The following SH3TC2 variants were observed in gnomAD, a reference collection of about 807,000 sequenced individuals.
The protein encoded by SH3TC2 is SH3 domain and tetratricopeptide repeats 2, also known as SH3 domain and tetratricopeptide repeat-containing protein 2.
SH3TC2 carries 87 observed loss-of-function variants against 124.5 expected under a neutral mutation model. The observed-to-expected ratio is 0.70, with a 90% CI of 0.59 to 0.84. The LOEUF (loss-of-function observed/expected upper bound fraction) is 0.84, where lower values mean the gene tolerates loss of function less well. SH3TC2 is among the 40% of genes least tolerant of loss of function. The pLI, the probability that SH3TC2 is intolerant of heterozygous loss-of-function variation, is 0.00. For synonymous variants in SH3TC2, 634 were observed against 628.5 expected, an observed-to-expected ratio of 1.01 and a Z score of -0.13; for missense variants, 1,536 against 1,566.4, an observed-to-expected ratio of 0.98 and a Z score of 0.33.
intron 16 of SH3TC2, among the ~76,000 whole-genome samples, chr5:149,005,230 C>G (rs986771711): frequency 6.6e-6 from 1 of 152,180 alleles, no homozygotes; most frequent in Non-Finnish European, 1.5e-5. Context: ...ATCTGCCACT[C>G]CCTGGGACTT....
At chr5:149,012,478 G>A in intron 13 of SH3TC2, 106 bp downstream of exon 13, 1 of 1,433,614 alleles carries the variant, frequency 7.0e-7, no homozygotes, top group Non-Finnish European at 9.8e-7. Flanking sequence ...CAGGCTTAGG[G>A]TGAACATCAT....
chr5:149,051,294 GC>G (rs1754552117), intron 2 of SH3TC2, among the ~76,000 whole-genome samples: 1 of 152,176 alleles, frequency 6.6e-6, no homozygotes, highest in Non-Finnish European at 1.5e-5. Flanking sequence ...TCGTACAGAT[GC>G]CCTTCTGCTC....
At position 148,998,897 on chromosome 5, in the gene SH3TC2, C is replaced by T. The variant is rs941531868; in HGVS notation, c.*5814G>A. Reference sequence around the variant, plus strand: ...TATCAGGAAATATATGCTGTCCCACCGAAGAGGGAAGACCGCCAAGTGAGA... The same window carrying T: ...TATCAGGAAATATATGCTGTCCCACTGAAGAGGGAAGACCGCCAAGTGAGA... On this transcript the variant is annotated 3_prime_UTR_variant, in exon 17 of 17. Coordinates refer to ENST00000515425, the MANE Select transcript of SH3TC2 (RefSeq NM_024577.4). 3.3e-5 allele frequency among the ~76,000 whole-genome samples: 5 copies of T among 152,112 alleles called. No individual in the cohort carries two copies. The highest frequency in any genetic ancestry group is 5.9e-5 in the Non-Finnish European group (4 of 68,018).
intron 8 of SH3TC2, among the ~76,000 whole-genome samples, chr5:149,034,912 T>A (rs1754257679): frequency 6.6e-6 from 1 of 152,204 alleles, no homozygotes; most frequent in Non-Finnish European, 1.5e-5. Context: ...TGTTATGCTA[T>A]ACCTAGCTAA....
Position 148,984,508 on chromosome 5 carries a change from A to G in SH3TC2, c.*20203T>C, listed in dbSNP as rs1032174994. Among the ~76,000 whole-genome samples the G allele has an allele frequency of 6.6e-6, 1 of 152,118 alleles. No individual in the cohort carries two copies. Among genetic ancestry groups the G allele is most frequent in the Non-Finnish European group, 1.5e-5 (1 of 68,018 alleles). On this transcript the variant is annotated 3_prime_UTR_variant, in exon 17 of 17. Transcript: ENST00000515425. ...TTGTCTGGGCTCATGACTCATGAGG[A>G]AGGTATGCAGGAAGAGGGAAAAGGT...
In SH3TC2 at chr5:149,031,600, G is replaced by A. The variant is rs1754194400; in HGVS notation, c.1089C>T (p.Phe363=). 1 of 1,614,148 alleles carries A rather than the reference G, an allele frequency of 6.2e-7. No homozygotes were observed. Among genetic ancestry groups the A allele is most frequent in the Admixed American group, 1.7e-5 (1 of 60,022 alleles). Reference sequence around the variant, plus strand: ...TGTCAGTGCGAGCAAGAGTGTGGAGGAAGCTGGAACACTCAGTCTGCTTAT... The same window carrying A: ...TGTCAGTGCGAGCAAGAGTGTGGAGAAAGCTGGAACACTCAGTCTGCTTAT... The part of the protein sequence containing the change: ...GSDKQTECSS[F]LHTLARTDIT... Residue 363 remains phenylalanine, a synonymous_variant, in exon 9 of 17, where the codon TTC becomes TTT. Coordinates refer to ENST00000515425, the MANE Select transcript of SH3TC2 (RefSeq NM_024577.4).
chr5:149,010,379 G>C lies in SH3TC2; in HGVS notation c.3218C>G (p.Thr1073Arg). 6.2e-7 allele frequency: 1 copy of C among 1,614,004 alleles called. No homozygotes were observed. The highest frequency in any genetic ancestry group is 1.1e-5 in the South Asian group (1 of 91,068). The change falls in exon 14 of 17, where the codon ACA becomes AGA. Residue 1073 changes from threonine (T) to arginine (R), a missense_variant. Coordinates refer to ENST00000515425, the MANE Select transcript of SH3TC2 (RefSeq NM_024577.4). ...VELCLQAAIQ[T>R]ALKSEEPLLA... ...CAAAGGCTCCTCTGACTTCAGGGCT[G>C]TCTGGATGGCTGCCTAGGTGGGACA...
At chr5:149,059,646 C>CAA (rs199998586) in intron 1 of SH3TC2, among the ~76,000 whole-genome samples, 26 of 103,482 alleles carry the variant, frequency 2.5e-4, no homozygotes, top group African/African-American at 6.8e-4. Flanking sequence ...TAATGTTTAG[C>CAA]AAAAAAAAAA....
chr5:149,009,967 C>T (rs1245829180), intron 14 of SH3TC2, among the ~76,000 whole-genome samples: 1 of 152,178 alleles, frequency 6.6e-6, no homozygotes, highest in Middle Eastern at 3.2e-3. Flanking sequence ...AAGTGTGCTG[C>T]AGACCATAAA....
At position 148,995,685 on chromosome 5, in the gene SH3TC2, T is replaced by A. The variant is rs1000086928; in HGVS notation, c.*9026A>T. On this transcript the variant is annotated 3_prime_UTR_variant, in exon 17 of 17. Coordinates refer to ENST00000515425, the MANE Select transcript of SH3TC2 (RefSeq NM_024577.4). ...CCAACATTTCATTCCTTTATTTTTTTATTCACCCATTCAACAAATCTTTAT... is the reference window on the plus strand; with the variant it reads ...CCAACATTTCATTCCTTTATTTTTTAATTCACCCATTCAACAAATCTTTAT... 9.8e-5 allele frequency among the ~76,000 whole-genome samples: 15 copies of A among 152,294 alleles called. No individual in the cohort carries two copies. The highest frequency in any genetic ancestry group is 1.5e-4 in the Non-Finnish European group (10 of 68,030).
At chr5:149,048,208 C>T (rs987561041) in intron 2 of SH3TC2, among the ~76,000 whole-genome samples, 1 of 152,178 alleles carries the variant, frequency 6.6e-6, no homozygotes, top group Non-Finnish European at 1.5e-5. Context: ...GCTCTGGAAT[C>T]GCAGGAGTTG....
intron 4 of SH3TC2, among the ~76,000 whole-genome samples, chr5:149,043,461 G>A (rs1754405284): frequency 6.6e-6 from 1 of 152,106 alleles, no homozygotes; most frequent in African/African-American, 2.4e-5. Flanking sequence ...TTCTCTTGAG[G>A]CTTCTTCTGT....
Position 148,982,872 on chromosome 5 carries a change from A to G in SH3TC2, c.*21839T>C, listed in dbSNP as rs1287167259. 5.9e-5 allele frequency among the ~76,000 whole-genome samples: 9 copies of G among 152,258 alleles called. No individual in the cohort carries two copies. The highest frequency in any genetic ancestry group is 1.3e-4 in the Non-Finnish European group (9 of 68,048). Reference sequence around the variant, plus strand: ...CTTAAAAATACTTTTAAAATAAAAAATGAGCTGTTTTAACACCAGTGGACC... The same window carrying G: ...CTTAAAAATACTTTTAAAATAAAAAGTGAGCTGTTTTAACACCAGTGGACC... On this transcript the variant is annotated 3_prime_UTR_variant, in exon 17 of 17. Coordinates refer to ENST00000515425, the MANE Select transcript of SH3TC2 (RefSeq NM_024577.4).
chr5:149,044,702 A>G, intron 3 of SH3TC2, 64 bp from the exon 4 acceptor site: 1 of 1,182,298 alleles, frequency 8.5e-7, no homozygotes, highest in South Asian at 1.2e-5. Flanking sequence ...AAGCTCTTAT[A>G]TAGACCAAAT....
chr5:149,048,196 G>T (rs1754499466), intron 2 of SH3TC2, among the ~76,000 whole-genome samples: 1 of 152,160 alleles, frequency 6.6e-6, no homozygotes, highest in Admixed American at 6.5e-5. Flanking sequence ...GAACCCAGGA[G>T]GGCTCTGGAA....
Position 148,989,411 on chromosome 5 carries a change from G to A in SH3TC2, c.*15300C>T, listed in dbSNP as rs1753387676. The stretch of plus-strand genomic sequence containing the variant: ...ACTTTGAGACAAGATTTGAACCTAG[G>A]TCTACCTTAACCAGCATAAATATGG... On this transcript the variant is annotated 3_prime_UTR_variant, in exon 17 of 17. Transcript: ENST00000515425. 6.6e-6 allele frequency among the ~76,000 whole-genome samples: 1 copy of A among 152,194 alleles called. No homozygotes were observed. Among genetic ancestry groups the A allele is most frequent in the Admixed American group, 6.5e-5 (1 of 15,280 alleles).
rs376150316 is a variant in SH3TC2, at chr5:148,983,905, T to C, written c.*20806A>G. ...GAACAGGGAAAGCACATCCAAGAGA[T>C]GGTGACATCTTTGAGGTACTATCAA... is the stretch of plus-strand genomic sequence containing the variant. On this transcript the variant is annotated 3_prime_UTR_variant, in exon 17 of 17. Coordinates refer to ENST00000515425, the MANE Select transcript of SH3TC2 (RefSeq NM_024577.4). Among the ~76,000 whole-genome samples the C allele has an allele frequency of 4.6e-5, 7 of 152,320 alleles. No homozygotes were observed. Among genetic ancestry groups the C allele is most frequent in the Non-Finnish European group, 1.0e-4 (7 of 68,022 alleles).
At position 149,047,921 on chromosome 5, in the gene SH3TC2, C is replaced by G. The variant is rs1230676194; in HGVS notation, c.220G>C (p.Ala74Pro). 1 of 1,614,180 alleles carries G rather than the reference C, an allele frequency of 6.2e-7. No individual in the cohort carries two copies. Reference sequence around the variant, plus strand: ...TCCAGTGCCCAGAGCCGCCTCCGAGCAGCTTCCTGTAGGGGTCCATTTACA... The same window carrying G: ...TCCAGTGCCCAGAGCCGCCTCCGAGGAGCTTCCTGTAGGGGTCCATTTACA... ...RCVNGPLQEA[A>P]RRRLWALENE... is the part of the protein sequence containing the mutation. The change falls in exon 3 of 17, where the codon GCT becomes CCT. Residue 74 changes from alanine to proline, a missense_variant. By Grantham distance (27) the Ala-to-Pro change is conservative. This residue lies in a region of SH3TC2 where 1,102 missense variants were observed against 1,098.6 expected (regional missense o/e 1.00). Transcript: ENST00000515425.
rs752742577 is a variant in SH3TC2 at position 149,042,867 on chromosome 5, A to C, written c.386-30T>G. 9 of 1,613,556 alleles carry C rather than the reference A, an allele frequency of 5.6e-6. No homozygotes were observed. The East Asian group carries it at 2.0e-4, about 36-fold the overall frequency. On this transcript the variant is annotated intron_variant, in intron 4 of 16. Coordinates refer to ENST00000515425, the MANE Select transcript of SH3TC2 (RefSeq NM_024577.4). ...GAAGTCAAGCCAACAAGATTTCTGA[A>C]CAAAATGATTTCTGACATAGCTGAG...
Sources: gnomAD v4.1 joint callset for allele counts (sites outside exome capture counted in the v4.1 genomes callset) on GRCh38, gnomAD v4.1.1 for gene constraint, gnomAD v4.1.1 regional missense constraint, MANE v1.5 for transcripts, NCBI Gene and HGNC (gene_info 2026-07-23, HGNC 2026-07-21) for gene names.